Variants in PEPD observed in about 807,000 individuals in gnomAD.
PEPD encodes the protein xaa-Pro dipeptidase.
Under a neutral mutation model 60.7 loss-of-function variants are expected in PEPD, and 53 were observed. The observed-to-expected ratio is 0.87, with a 90% CI of 0.70 to 1.10. The LOEUF (loss-of-function observed/expected upper bound fraction) is 1.10. PEPD is among the 50% of genes least tolerant of loss of function. The probability of loss-of-function intolerance (pLI) is 0.00; values close to 1 mark genes in which losing one functional copy is unlikely to be tolerated. For synonymous variants in PEPD, 267 were observed against 284.1 expected, an observed-to-expected ratio of 0.94 and a Z score of 0.60; for missense variants, 711 against 711.9, an observed-to-expected ratio of 1.00 and a Z score of 0.01.
At chr19:33,415,876 T>C (rs1444328075) in intron 9 of PEPD, among the ~76,000 whole-genome samples, 1 of 152,256 alleles carries the variant, frequency 6.6e-6, no homozygotes, top group African/African-American at 2.4e-5. Context: ...TGCTTCACAG[T>C]GGACTTCAGT....
chr19:33,416,837 A>AT (rs1461907794), intron 9 of PEPD, among the ~76,000 whole-genome samples: 5 of 152,230 alleles, frequency 3.3e-5, no homozygotes, highest in Non-Finnish European at 7.3e-5. Flanking sequence ...TGAGTGGTGA[A>AT]TAACGAGGTG....
At position 33,500,955 on chromosome 19, in the gene PEPD, C is replaced by T. The variant is rs770981490; in HGVS notation, c.376G>A (p.Val126Ile). 16 of 1,602,604 alleles carry T rather than the reference C, an allele frequency of 1.0e-5. No homozygotes were observed. Among genetic ancestry groups the T allele is most frequent in the Admixed American group, 1.7e-5 (1 of 59,986 alleles). ...HFKEKYAVDD[V>I]QYVDEIASVL... is the part of the protein sequence containing the mutation. Reference sequence around the variant, plus strand: ...CTACCCACCTCATCTACGTACTGGACGTCGTCCACGGCATACTTCTCCTTG... The same window carrying T: ...CTACCCACCTCATCTACGTACTGGATGTCGTCCACGGCATACTTCTCCTTG... Residue 126 changes from valine to isoleucine, a missense_variant, in exon 4 of 15, where the codon GTC becomes ATC. Transcript: ENST00000244137.
At chr19:33,390,821 C>A (rs932611021) in intron 13 of PEPD, among the ~76,000 whole-genome samples, 18 of 152,190 alleles carry the variant, frequency 1.2e-4, no homozygotes, top group Non-Finnish European at 2.1e-4. Flanking sequence ...GAGGGCGAAC[C>A]AGCGGCAGAG....
At chr19:33,450,012 T>C (rs747256182) in intron 9 of PEPD, among the ~76,000 whole-genome samples, 5 of 152,242 alleles carry the variant, frequency 3.3e-5, no homozygotes, top group South Asian at 2.1e-4. Context: ...CACTGGCCTG[T>C]CCACTGTGTG....
At chr19:33,434,656 G>A (rs1600111739) in intron 9 of PEPD, among the ~76,000 whole-genome samples, 2 of 152,186 alleles carry the variant, frequency 1.3e-5, no homozygotes, top group South Asian at 2.1e-4. Context: ...AAAGTTTATC[G>A]TGAATGAGGA....
chr19:33,419,729 C>T (rs966916860), intron 9 of PEPD, among the ~76,000 whole-genome samples: 10 of 152,240 alleles, frequency 6.6e-5, no homozygotes, highest in Non-Finnish European at 1.0e-4. Flanking sequence ...TAACGCCTTC[C>T]GGAGCCCTGA....
chr19:33,508,308 G>A (rs979225882), intron 3 of PEPD, among the ~76,000 whole-genome samples: 10 of 152,334 alleles, frequency 6.6e-5, no homozygotes, highest in East Asian at 3.9e-4. Context: ...GTCCTGAGTC[G>A]TGCCCCTTGC....
chr19:33,390,529 G>A (rs1477938955), intron 13 of PEPD, among the ~76,000 whole-genome samples: 1 of 152,230 alleles, frequency 6.6e-6, no homozygotes, highest in Non-Finnish European at 1.5e-5. Context: ...CTAACTGGCT[G>A]GGGGGCCCCA....
Position 33,419,722 on chromosome 19 carries a change from C to T in PEPD, c.672-6079G>A, listed in dbSNP as rs191262878. ...TGGCAGTGGGTGATGCCATGGCTAA[C>T]GCCTTCCGGAGCCCTGACCTTGCAC... On this transcript the variant is annotated intron_variant, in intron 9 of 14. Coordinates refer to ENST00000244137, the MANE Select transcript of PEPD (RefSeq NM_000285.4). Among the ~76,000 whole-genome samples, 88 of 152,354 alleles carry T rather than the reference C, an allele frequency of 5.8e-4. 1 individual carries two copies. Among genetic ancestry groups the T allele is most frequent in the Admixed American group, 1.5e-3 (23 of 15,304 alleles).
chr19:33,515,305 G>A (rs1343518757), intron 1 of PEPD, among the ~76,000 whole-genome samples: 2 of 152,142 alleles, frequency 1.3e-5, no homozygotes, highest in Admixed American at 1.3e-4. Flanking sequence ...CGCACATGCT[G>A]ACATGACTAG....
At chr19:33,482,030 T>C (rs1046191915) in intron 6 of PEPD, among the ~76,000 whole-genome samples, 1 of 145,896 alleles carries the variant, frequency 6.9e-6, no homozygotes. Flanking sequence ...AACAAACAAA[T>C]AAACAACAAC....
intron 4 of PEPD, among the ~76,000 whole-genome samples, chr19:33,499,144 A>G (rs1461795137): frequency 6.6e-6 from 1 of 152,188 alleles, no homozygotes; most frequent in Non-Finnish European, 1.5e-5. Flanking sequence ...CGTTCCGTCT[A>G]TTTTAGATCC....
At position 33,387,880 on chromosome 19, in the gene PEPD, G is replaced by T. The variant is rs766670788; in HGVS notation, c.1344+10C>A. The T allele has an allele frequency of 1.3e-6, 2 of 1,554,032 alleles. No homozygotes were observed. Among genetic ancestry groups the T allele is most frequent in the African/African-American group, 1.4e-5 (1 of 73,420 alleles). On this transcript the variant is annotated intron_variant, in intron 14 of 14. Transcript: ENST00000244137. Reference sequence around the variant, plus strand: ...TTCTGGGAGCAAGAATGGGGCCCGTGGGCACTCACCCCGCCAAAACCGCGA... The same window carrying T: ...TTCTGGGAGCAAGAATGGGGCCCGTTGGCACTCACCCCGCCAAAACCGCGA...
intron 9 of PEPD, among the ~76,000 whole-genome samples, chr19:33,438,525 G>C (rs1478267654): frequency 6.6e-6 from 1 of 152,264 alleles, no homozygotes; most frequent in East Asian, 1.9e-4. Flanking sequence ...TGCCAACGGT[G>C]AGTGTTTCCA....
intron 6 of PEPD, among the ~76,000 whole-genome samples, chr19:33,484,365 C>T (rs117249411): frequency 0.011 from 1,691 of 152,318 alleles, 26 homozygotes; most frequent in South Asian, 0.071. Context: ...AACGTACGTA[C>T]GCATACACAC....
intron 12 of PEPD, among the ~76,000 whole-genome samples, chr19:33,399,632 C>T (rs1968442631): frequency 6.6e-6 from 1 of 151,536 alleles, no homozygotes; most frequent in Non-Finnish European, 1.5e-5. Context: ...TGGCTGAGGG[C>T]CCCTCTGAAG....
At chr19:33,477,184 C>T (rs1970232267) in intron 7 of PEPD, 1 of 152,390 alleles carries the variant, frequency 6.6e-6, no homozygotes, top group Non-Finnish European at 1.5e-5. Flanking sequence ...AACGAGTGGT[C>T]CTTTTGCCAG....
chr19:33,510,101 C>G (rs370633216), intron 3 of PEPD, among the ~76,000 whole-genome samples: 4 of 152,222 alleles, frequency 2.6e-5, no homozygotes, highest in African/African-American at 7.2e-5. Context: ...GTGACGGCCT[C>G]GCAGGGCCAA....
chr19:33,507,034 C>T (rs1970827152), intron 3 of PEPD, among the ~76,000 whole-genome samples: 1 of 151,746 alleles, frequency 6.6e-6, no homozygotes, highest in Non-Finnish European at 1.5e-5. Flanking sequence ...CACAGGTGTG[C>T]ACTCCATATG....
Sources: gnomAD v4.1 joint callset for allele counts (sites outside exome capture counted in the v4.1 genomes callset) on GRCh38, gnomAD v4.1.1 for gene constraint, MANE v1.5 for transcripts, NCBI Gene and HGNC (gene_info 2026-07-23, HGNC 2026-07-21) for gene names.